The following TAF4 variants were observed in gnomAD, a reference collection of about 807,000 sequenced individuals.
TAF4 encodes transcription initiation factor TFIID subunit 4.
In TAF4, 9 loss-of-function variants were observed where a neutral mutation model predicts 90.3. The observed-to-expected ratio is 0.10, with a 90% CI of 0.06 to 0.17. The LOEUF is 0.17. TAF4 is among the 10% of genes least tolerant of loss of function. The pLI, the probability that TAF4 is intolerant of heterozygous loss-of-function variation, is 1.00. For synonymous variants in TAF4, 818 were observed against 638.9 expected (o/e 1.28, Z -4.23); for missense variants, 1,351 against 1,370.7 (o/e 0.99, Z 0.23).
chr20:61,979,712 T>C (rs1209182245), intron 14 of TAF4, among the ~76,000 whole-genome samples: 1 of 147,454 alleles, frequency 6.8e-6, no homozygotes, highest in African/African-American at 2.5e-5. Context: ...CCAGAGGGAC[T>C]GTGGCCCGTG....
At chr20:62,030,806 G>C (rs1000707298) in intron 1 of TAF4, among the ~76,000 whole-genome samples, 6 of 152,182 alleles carry the variant, frequency 3.9e-5, no homozygotes, top group Admixed American at 3.9e-4. Flanking sequence ...GCAACACCAA[G>C]GGCCACACAG....
intron 1 of TAF4, among the ~76,000 whole-genome samples, chr20:62,062,746 C>T (rs2056096362): frequency 6.6e-6 from 1 of 152,152 alleles, no homozygotes; most frequent in Non-Finnish European, 1.5e-5. Context: ...ATGCCCTCTT[C>T]CAACCACGTA....
At chr20:62,008,996 TC>T (rs1378938057) in intron 5 of TAF4, 55 bp downstream of exon 5, 2 of 1,579,910 alleles carry the variant, frequency 1.3e-6, no homozygotes, top group Non-Finnish European at 1.7e-6. Flanking sequence ...GCAACAGGTG[TC>T]TGTCCTATGC....
At chr20:62,047,124 C>G (rs1324541791) in intron 1 of TAF4, among the ~76,000 whole-genome samples, 1 of 152,184 alleles carries the variant, frequency 6.6e-6, no homozygotes, top group Non-Finnish European at 1.5e-5. Flanking sequence ...GGAAATCTTT[C>G]TCCAGCCACA....
At chr20:61,999,166 G>A in intron 11 of TAF4, 58 bp from the exon 12 acceptor site, 1 of 1,593,400 alleles carries the variant, frequency 6.3e-7, no homozygotes, top group Non-Finnish European at 8.5e-7. Context: ...CAAGCAAAGG[G>A]GTTGTCTAGC....
chr20:62,027,840 C>G (rs1444384155), intron 1 of TAF4, among the ~76,000 whole-genome samples: 5 of 152,226 alleles, frequency 3.3e-5, no homozygotes, highest in African/African-American at 9.6e-5. Context: ...TCGCTCCATG[C>G]GCACGGGGCA....
At chr20:62,022,032 G>A (rs1167276107) in intron 1 of TAF4, among the ~76,000 whole-genome samples, 1 of 151,936 alleles carries the variant, frequency 6.6e-6, no homozygotes, top group Non-Finnish European at 1.5e-5. Context: ...CTCCAGGCCC[G>A]CCAAGGTCTT....
Position 62,006,539 on chromosome 20 carries a change from C to G in TAF4, c.2194G>C (p.Val732Leu). The G allele has an allele frequency of 8.4e-6, 13 of 1,553,798 alleles. No homozygotes were observed. The highest frequency in any genetic ancestry group is 1.1e-5 in the Non-Finnish European group (13 of 1,151,610). The change falls in exon 7 of 15, where the codon GTC becomes CTC. Residue 732 changes from valine (V) to leucine (L), a missense_variant. Coordinates refer to ENST00000252996, the MANE Select transcript of TAF4 (RefSeq NM_003185.4). This position sits in a 1 kb window ranked among gnomAD's most constrained non-coding sequence, Gnocchi z 7.0. ...GGTGTGGGTTGCCCCTGCTTGCCGACGCCGACCTGCGTGGGCTGCGTGAGG... is the reference window on the plus strand; with the variant it reads ...GGTGTGGGTTGCCCCTGCTTGCCGAGGCCGACCTGCGTGGGCTGCGTGAGG... ...LSLTQPTQVG[V>L]GKQGQPTPLV...
intron 14 of TAF4, among the ~76,000 whole-genome samples, chr20:61,979,828 C>T (rs377397015): frequency 6.2e-5 from 9 of 146,186 alleles, no homozygotes; most frequent in East Asian, 2.1e-4. Flanking sequence ...AGAGGGACTG[C>T]GGCCCGTGCA....
chr20:62,038,310 T>A (rs1049433248), intron 1 of TAF4, among the ~76,000 whole-genome samples: 4 of 151,216 alleles, frequency 2.6e-5, no homozygotes, highest in Non-Finnish European at 5.9e-5. Context: ...TACAGGCGTG[T>A]GCCACCATGC....
intron 1 of TAF4, among the ~76,000 whole-genome samples, chr20:62,063,808 G>A (rs1354054354): frequency 3.3e-5 from 5 of 152,366 alleles, no homozygotes; most frequent in East Asian, 1.9e-4. Flanking sequence ...GCTGCGCGCC[G>A]GGAGGACTCT....
Position 62,003,862 on chromosome 20 carries a change from G to A in TAF4, c.2240C>T (p.Pro747Leu), listed in dbSNP as rs752635209. 6 of 1,575,730 alleles carry A rather than the reference G, an allele frequency of 3.8e-6. No homozygotes were observed. The highest frequency in any genetic ancestry group is 1.2e-5 in the South Asian group (1 of 86,860). The change falls in exon 8 of 15, where the codon CCG (proline) becomes CTG (leucine). Residue 747 changes from proline to leucine, a missense_variant. By Grantham distance (98) the Pro-to-Leu change is moderately conservative. Transcript: ENST00000252996. ...QPTPLVIQQP[P>L]KPGALIRPPQ... ...GGGCCGGATCAGGGCTCCTGGCTTC[G>A]GAGGCTGCTGGATGACCTGAGGCAG...
chr20:62,048,292 T>G (rs2056005148), intron 1 of TAF4, among the ~76,000 whole-genome samples: 1 of 152,174 alleles, frequency 6.6e-6, no homozygotes, highest in Admixed American at 6.5e-5. Context: ...CCCAGCCCTG[T>G]ACTAGCTCCT....
At chr20:61,988,898 C>G (rs1173579366) in intron 14 of TAF4, among the ~76,000 whole-genome samples, 1 of 152,176 alleles carries the variant, frequency 6.6e-6, no homozygotes, top group Admixed American at 6.5e-5. Context: ...CTACTCCACA[C>G]ACGTTAACAC....
intron 1 of TAF4, among the ~76,000 whole-genome samples, chr20:62,024,716 A>G (rs2055865004): frequency 1.3e-5 from 2 of 152,068 alleles, no homozygotes; most frequent in Non-Finnish European, 2.9e-5. Context: ...TAAAAATACA[A>G]AAAATTAGCA....
At chr20:62,024,158 C>G (rs1202478993) in intron 1 of TAF4, among the ~76,000 whole-genome samples, 1 of 152,178 alleles carries the variant, frequency 6.6e-6, no homozygotes, top group African/African-American at 2.4e-5. Context: ...AGTCCACAAG[C>G]AGGCCCACAC....
Position 62,006,578 on chromosome 20 carries a change from G to A in TAF4, c.2155C>T (p.Pro719Ser), listed in dbSNP as rs781253331. ...TAATVTSALQPPVLSLTQPTQ... is the reference protein window; with the variant it reads ...TAATVTSALQSPVLSLTQPTQ... ...GGCTGCGTGAGGCTGAGCACAGGGGGCTGGAGGGCACTGGTCACGGTGGCC... is the reference window on the plus strand; with the variant it reads ...GGCTGCGTGAGGCTGAGCACAGGGGACTGGAGGGCACTGGTCACGGTGGCC... Residue 719 changes from proline (P) to serine (S), a missense_variant, in exon 7 of 15, where the codon CCC becomes TCC. Transcript: ENST00000252996. This position sits in a 1 kb window ranked among gnomAD's most constrained non-coding sequence, Gnocchi z 7.0. 1.9e-6 allele frequency: 3 copies of A among 1,596,108 alleles called. No homozygotes were observed. The highest frequency in any genetic ancestry group is 1.9e-4 in the Middle Eastern group (1 of 5,172).
intron 1 of TAF4, among the ~76,000 whole-genome samples, chr20:62,030,977 T>G (rs571160231): frequency 1.3e-5 from 2 of 152,312 alleles, no homozygotes; most frequent in South Asian, 4.1e-4. Context: ...CTGAGTCTAT[T>G]TGACAGACAC....
intron 1 of TAF4, among the ~76,000 whole-genome samples, chr20:62,018,805 C>G (rs148954289): frequency 6.6e-6 from 1 of 152,376 alleles, no homozygotes; most frequent in East Asian, 1.9e-4. Flanking sequence ...ACACGACATC[C>G]GTCCCAAAGA....
Sources: allele counts gnomAD v4.1 joint callset (sites outside exome capture counted in the v4.1 genomes callset), GRCh38; gene constraint gnomAD v4.1.1; non-coding constraint Gnocchi (gnomAD v3.1); transcripts MANE v1.5; gene names NCBI Gene and HGNC (gene_info 2026-07-23, HGNC 2026-07-21).